The following SLC3A1 variants were observed in gnomAD, a reference collection of about 807,000 sequenced individuals.
SLC3A1 encodes the protein amino acid transporter heavy chain SLC3A1.
Under a neutral mutation model 60.3 loss-of-function variants are expected in SLC3A1, and 78 were observed. That is an observed-to-expected ratio of 1.29 (90% CI 1.08 to 1.56). The LOEUF is 1.56. SLC3A1 is among the 40% of genes most tolerant of loss of function. The probability of loss-of-function intolerance (pLI) is 0.00; values close to 1 mark genes in which losing one functional copy is unlikely to be tolerated. For missense variants in SLC3A1, 1,172 were observed against 858.9 expected (o/e 1.36, Z -4.56); for synonymous variants, 392 against 307.9 (o/e 1.27, Z -2.86).
chr2:44,306,686 T>C (rs560924372), intron 7 of SLC3A1, among the ~76,000 whole-genome samples: 1 of 151,572 alleles, frequency 6.6e-6, no homozygotes, highest in East Asian at 2.0e-4. Context: ...TTAGAGTAGC[T>C]GGGATTACAG....
At chr2:44,314,234 T>A (rs772926501) in intron 9 of SLC3A1, 15 of 734,670 alleles carry the variant, frequency 2.0e-5, no homozygotes, top group Non-Finnish European at 2.8e-5. Context: ...GGAAATTTTA[T>A]GAAGTTTTTT....
rs957095046 is a variant in SLC3A1 at position 44,313,884 on chromosome 2, C to A, written c.1550C>A (p.Ala517Asp). 3.7e-6 allele frequency: 6 copies of A among 1,614,084 alleles called. No homozygotes were observed. Among genetic ancestry groups the A allele is most frequent in the Non-Finnish European group, 4.2e-6 (5 of 1,179,978 alleles). ...ATGCAGTGGGACAATAGTTCAAATG[C>A]TGGTTTTTCTGAAGCTAGTAACACC... ...SPMQWDNSSNAGFSEASNTWL... is the reference protein window; with the variant it reads ...SPMQWDNSSNDGFSEASNTWL... The change falls in exon 9 of 10, where the codon GCT becomes GAT. Residue 517 changes from alanine (A) to aspartate (D), a missense_variant. By Grantham distance (126) the Ala-to-Asp change is moderately radical. Coordinates refer to ENST00000260649, the MANE Select transcript of SLC3A1 (RefSeq NM_000341.4).
intron 1 of SLC3A1, among the ~76,000 whole-genome samples, chr2:44,277,194 G>T (rs955176371): frequency 2.8e-5 from 4 of 143,124 alleles, no homozygotes; most frequent in Non-Finnish European, 4.5e-5. Flanking sequence ...TGCAACCTCC[G>T]TCACCTGGGT....
intron 1 of SLC3A1, 35 bp downstream of exon 1, chr2:44,276,000 G>A: frequency 6.3e-7 from 1 of 1,590,110 alleles, no homozygotes; most frequent in Non-Finnish European, 8.6e-7. Flanking sequence ...GTGGGTGCCA[G>A]GATGAGATTG....
At chr2:44,281,928 G>A (rs932008024) in intron 3 of SLC3A1, among the ~76,000 whole-genome samples, 2 of 152,040 alleles carry the variant, frequency 1.3e-5, no homozygotes, top group African/African-American at 4.8e-5. Context: ...AGGCTGGAGT[G>A]CAATAGCACA....
At chr2:44,285,278 C>A (rs1478499188) in intron 3 of SLC3A1, 1 of 166,198 alleles carries the variant, frequency 6.0e-6, no homozygotes, top group African/African-American at 2.4e-5. Context: ...CGTCTTCCAA[C>A]TCAAAAAGAT....
At chr2:44,277,606 C>T (rs1195056792) in intron 1 of SLC3A1, among the ~76,000 whole-genome samples, 1 of 152,152 alleles carries the variant, frequency 6.6e-6, no homozygotes, top group Non-Finnish European at 1.5e-5. Context: ...GAGTGACTCC[C>T]TTTCCCCTGA....
intron 4 of SLC3A1, 71 bp from the exon 5 acceptor site, chr2:44,299,900 C>G (rs1271117559): frequency 6.5e-7 from 1 of 1,535,750 alleles, no homozygotes; most frequent in African/African-American, 1.4e-5. Context: ...TGTTAACAGT[C>G]AAAACTTTGA....
At chr2:44,282,166 C>T (rs1671513871) in intron 3 of SLC3A1, among the ~76,000 whole-genome samples, 1 of 152,178 alleles carries the variant, frequency 6.6e-6, no homozygotes, top group Non-Finnish European at 1.5e-5. Flanking sequence ...GCCACCGCTC[C>T]TGGCCCCCTT....
intron 4 of SLC3A1, among the ~76,000 whole-genome samples, chr2:44,286,711 G>A (rs1279293280): frequency 6.8e-6 from 1 of 147,172 alleles, no homozygotes; most frequent in East Asian, 2.0e-4. Flanking sequence ...TGAGCTGTGC[G>A]GTGTCTGTGA....
intron 9 of SLC3A1, chr2:44,318,146 A>C (rs770393092): frequency 2.3e-6 from 1 of 440,900 alleles, no homozygotes; most frequent in South Asian, 1.6e-5. Flanking sequence ...GCTCGAGTGC[A>C]GTGGCGTGAT....
rs1384239416 is a variant in SLC3A1, at chr2:44,286,954, C to T, written c.891+797C>T. 2.0e-5 allele frequency among the ~76,000 whole-genome samples: 3 copies of T among 152,304 alleles called. No individual in the cohort carries two copies. The East Asian group carries it at 5.8e-4, about 29-fold the overall frequency. On this transcript the variant is annotated intron_variant, in intron 4 of 9. Transcript: ENST00000260649. ...TGGTTATTTGGCTTTCATGTCTTAG[C>T]TGTCTCATCTATGAAACACAGTTGG... is the stretch of plus-strand genomic sequence containing the variant.
downstream of SLC3A1, among the ~76,000 whole-genome samples, chr2:44,322,275 A>G (rs1673049208): frequency 6.6e-6 from 1 of 152,166 alleles, no homozygotes; most frequent in Non-Finnish European, 1.5e-5. Flanking sequence ...ATGTAGTTTC[A>G]AGGCAAAAGG....
downstream of SLC3A1, chr2:44,322,002 A>C: frequency 1.6e-6 from 2 of 1,240,102 alleles, no homozygotes; most frequent in Admixed American, 5.2e-5. Flanking sequence ...CAGTTCAAAT[A>C]ATAGTAAAGG....
intron 2 of SLC3A1, 82 bp downstream of exon 2, chr2:44,280,977 C>G: frequency 8.4e-7 from 1 of 1,195,342 alleles, no homozygotes; most frequent in East Asian, 2.3e-5. Context: ...AGCATTTCTT[C>G]TCCTTAACTG....
At chr2:44,307,973 T>C (rs999034061) in intron 7 of SLC3A1, among the ~76,000 whole-genome samples, 36 of 152,166 alleles carry the variant, frequency 2.4e-4, no homozygotes, top group African/African-American at 7.7e-4. Context: ...GAATCTTTGT[T>C]GAAAAATCAA....
rs553893050 is a variant in SLC3A1 at position 44,314,141 on chromosome 2, A to G, written c.1617+190A>G. 178 of 1,373,206 alleles carry G rather than the reference A, an allele frequency of 1.3e-4. No individual in the cohort carries two copies. The African/African-American group carries it at 2.1e-3, about 16-fold the overall frequency. The allele number at this position is 1,373,206 out of a possible 1,614,324, so 85.1% of individuals were successfully genotyped here. ...CTTTGTGAAAATACAAACTGGTACAAATCTACCAAGTGAAGTGAAGTATCA... is the reference window on the plus strand; with the variant it reads ...CTTTGTGAAAATACAAACTGGTACAGATCTACCAAGTGAAGTGAAGTATCA... On this transcript the variant is annotated intron_variant, in intron 9 of 9. Coordinates refer to ENST00000260649, the MANE Select transcript of SLC3A1 (RefSeq NM_000341.4).
Position 44,286,147 on chromosome 2 carries a change from A to T in SLC3A1, c.881A>T (p.Glu294Val). The part of the protein sequence containing the change: ...DLNFRNPDVQ[E>V]EIKEILRFWL... ...AATTTCCGCAATCCTGATGTTCAAG[A>T]AGAAATAAAAGTGAGTATAGATACC... Residue 294 changes from glutamate (E) to valine (V), a missense_variant, in exon 4 of 10, where the codon GAA becomes GTA. By Grantham distance (121) the Glu-to-Val change is moderately radical. Transcript: ENST00000260649. 5 of 1,614,048 alleles carry T rather than the reference A, an allele frequency of 3.1e-6. No homozygotes were observed. Among genetic ancestry groups the T allele is most frequent in the Non-Finnish European group, 4.2e-6 (5 of 1,179,942 alleles).
intron 6 of SLC3A1, among the ~76,000 whole-genome samples, chr2:44,301,717 C>T (rs1220345030): frequency 4.1e-5 from 5 of 122,452 alleles, no homozygotes; most frequent in African/African-American, 6.6e-5. Flanking sequence ...CCAGCCTGGG[C>T]GACAGAGCGA....
Sources: gnomAD v4.1 joint callset for allele counts (sites outside exome capture counted in the v4.1 genomes callset) on GRCh38, gnomAD v4.1.1 for gene constraint, MANE v1.5 for transcripts, NCBI Gene and HGNC (gene_info 2026-07-23, HGNC 2026-07-21) for gene names.